HMOX2: variants seen among roughly 807,000 people sequenced by gnomAD.
HMOX2 encodes the protein heme oxygenase (decycling) 2.
A neutral mutation model predicts 33.7 loss-of-function variants in HMOX2; 30 were observed. The observed-to-expected ratio is 0.89, with a 90% confidence interval of 0.67 to 1.21. The LOEUF (loss-of-function observed/expected upper bound fraction) is 1.21, where lower values mean the gene tolerates loss of function less well. Among genes scored for constraint, HMOX2 ranks in the 50% most tolerant of loss-of-function variants. HMOX2 has a pLI of 0.00. For synonymous variants in HMOX2, 155 were observed against 155.0 expected (o/e 1.00, Z 0.00); for missense variants, 403 against 399.1 (o/e 1.01, Z -0.08).
At chr16:4,476,829 A>G (rs926186041) in intron 1 of HMOX2, among the ~76,000 whole-genome samples, 8 of 152,144 alleles carry the variant, frequency 5.3e-5, no homozygotes, top group Non-Finnish European at 8.8e-5. Flanking sequence ...CGTCACGGCT[A>G]TGCTGGGCGA....
rs1026230145 is a variant in HMOX2, at chr16:4,480,026, G to T, written c.-42+3539G>T. 1.4e-5 allele frequency among the ~76,000 whole-genome samples: 2 copies of T among 147,810 alleles called. 1 individual carries two copies. Among genetic ancestry groups the T allele is most frequent in the African/African-American group, 5.0e-5 (2 of 39,840 alleles). Reference sequence around the variant, plus strand: ...AGTGCTGGGGTTATAGGCATGAGTCGCTGCGCCCGGCTTTTTTATTTTTTA... The same window carrying T: ...AGTGCTGGGGTTATAGGCATGAGTCTCTGCGCCCGGCTTTTTTATTTTTTA... On this transcript the variant is annotated intron_variant, in intron 1 of 5. Coordinates refer to ENST00000570646, the MANE Select transcript of HMOX2 (RefSeq NM_002134.4).
chr16:4,505,532 C>A lies in HMOX2; in HGVS notation c.8C>A (p.Ala3Glu). Reference sequence around the variant, plus strand: ...GAACCACACCCAGCAGCAATGTCAGCGGAAGTGGAAACCTCAGAGGGGGTA... The same window carrying A: ...GAACCACACCCAGCAGCAATGTCAGAGGAAGTGGAAACCTCAGAGGGGGTA... MS[A>E]EVETSEGVDE... Residue 3 changes from alanine to glutamate, a missense_variant, in exon 2 of 6, where the codon GCG becomes GAG. Ala to Glu is a moderately radical substitution (Grantham distance 107, BLOSUM62 -1). Coordinates refer to ENST00000570646, the MANE Select transcript of HMOX2 (RefSeq NM_002134.4). 6.2e-7 allele frequency: 1 copy of A among 1,605,048 alleles called. No homozygotes were observed. The highest frequency in any genetic ancestry group is 8.5e-7 in the Non-Finnish European group (1 of 1,175,082).
Position 4,505,654 on chromosome 16 carries a change from A to C in HMOX2, c.86+44A>C, listed in dbSNP as rs777557547. On this transcript the variant is annotated intron_variant, in intron 2 of 5. Transcript: ENST00000570646. ...CTGCACTGAATCAGGTGGGCCCAGC[A>C]CCTGTCGTGCTCAGCACACCTGGTT... is the stretch of plus-strand genomic sequence containing the variant. The C allele has an allele frequency of 2.2e-5, 30 of 1,370,404 alleles. No homozygotes were observed. In the Admixed American group the frequency reaches 5.9e-4, roughly 27 times the overall value. 84.9% of individuals were successfully genotyped at this position (1,370,404 alleles called of 1,614,324 possible). A position where few individuals can be genotyped will look rare whatever the true frequency, so the allele number is the denominator to read the frequency against.
chr16:4,509,810 C>T lies in HMOX2; in HGVS notation c.*54C>T. 6.4e-7 allele frequency: 1 copy of T among 1,567,614 alleles called. No homozygotes were observed. Among genetic ancestry groups the T allele is most frequent in the South Asian group, 1.1e-5 (1 of 88,028 alleles). ...CCTCCCGACTGACCACTGGCCTACC[C>T]CTTTCTCCAGCCCTGACTAAACTAC... On this transcript the variant is annotated 3_prime_UTR_variant, in exon 6 of 6. Transcript: ENST00000570646.
intron 1 of HMOX2, among the ~76,000 whole-genome samples, chr16:4,504,247 A>G (rs2141598431): frequency 6.6e-6 from 1 of 151,906 alleles, no homozygotes; most frequent in Non-Finnish European, 1.5e-5. Flanking sequence ...CACAGGTAGG[A>G]TGAACTGGCC....
upstream of HMOX2, chr16:4,475,939 A>G (rs2057813770): frequency 6.6e-6 from 1 of 152,240 alleles, no homozygotes; most frequent in Non-Finnish European, 1.5e-5. Flanking sequence ...CTCGGTCTCA[A>G]AAAAAGAAAA....
chr16:4,502,770 G>A (rs1000051768), intron 1 of HMOX2: 1 of 152,316 alleles, frequency 6.6e-6, no homozygotes, highest in Non-Finnish European at 1.5e-5. Context: ...CCAGGCTGGA[G>A]TGCAGTGGCA....
intron 1 of HMOX2, among the ~76,000 whole-genome samples, chr16:4,501,117 GTC>G (rs1031392336): frequency 1.3e-5 from 2 of 152,100 alleles, no homozygotes; most frequent in African/African-American, 4.8e-5. Context: ...TCCAATTCCT[GTC>G]TCTCGGTTTC....
chr16:4,487,660 C>T (rs564859617), intron 1 of HMOX2, among the ~76,000 whole-genome samples: 12 of 152,070 alleles, frequency 7.9e-5, no homozygotes, highest in East Asian at 5.8e-4. Flanking sequence ...ATTAGCTGGG[C>T]GTGGTGGCTG....
At chr16:4,496,255 C>G (rs567351396) in intron 1 of HMOX2, 104 of 152,920 alleles carry the variant, frequency 6.8e-4, no homozygotes, top group Non-Finnish European at 1.3e-3. Context: ...TCCTGTGTAG[C>G]TGGGATTACA....
At chr16:4,483,595 A>C (rs2058087424) in intron 1 of HMOX2, 1 of 152,138 alleles carries the variant, frequency 6.6e-6, no homozygotes, top group African/African-American at 2.4e-5. Context: ...TGCAGATCAA[A>C]TATATCTATA....
chr16:4,492,966 G>A (rs2058338978), intron 1 of HMOX2, among the ~76,000 whole-genome samples: 1 of 152,142 alleles, frequency 6.6e-6, no homozygotes, highest in African/African-American at 2.4e-5. Flanking sequence ...GAACCCAGGA[G>A]TGGGGAGAAA....
At chr16:4,475,282 G>T (rs147765960), upstream of HMOX2, among the ~76,000 whole-genome samples, 230 of 151,096 alleles carry the variant, frequency 1.5e-3, 4 homozygotes, top group African/African-American at 5.4e-3. Context: ...GCTGCTACTT[G>T]CACTGATTTC....
chr16:4,501,105 G>A lies in HMOX2; in HGVS notation c.-41-4379G>A, dbSNP rs17881433. On this transcript the variant is annotated intron_variant, in intron 1 of 5. Transcript: ENST00000570646. The stretch of plus-strand genomic sequence containing the variant: ...GTGCGGGATCTTAGCTGGTTTGCTT[G>A]GTCCAATTCCTGTCTCTCGGTTTCT... 2.1e-3 allele frequency among the ~76,000 whole-genome samples: 319 copies of A among 152,180 alleles called. 2 individuals carry two copies. The highest frequency in any genetic ancestry group is 4.8e-3 in the South Asian group (23 of 4,820).
At chr16:4,491,497 A>T (rs2058305054) in intron 1 of HMOX2, among the ~76,000 whole-genome samples, 1 of 151,806 alleles carries the variant, frequency 6.6e-6, no homozygotes, top group South Asian at 2.1e-4. Context: ...AAAAAATACC[A>T]AAAAATTAGC....
chr16:4,487,689 CCT>C (rs1365735776), intron 1 of HMOX2, among the ~76,000 whole-genome samples: 1 of 151,708 alleles, frequency 6.6e-6, no homozygotes, highest in Admixed American at 6.6e-5. Flanking sequence ...AGTCCCAGCT[CCT>C]TGGGAGGCTG....
At chr16:4,499,783 A>G (rs1049544394) in intron 1 of HMOX2, among the ~76,000 whole-genome samples, 4 of 152,230 alleles carry the variant, frequency 2.6e-5, no homozygotes, top group African/African-American at 9.6e-5. Context: ...ACTGTACCCC[A>G]TAAATATAAT....
intron 1 of HMOX2, among the ~76,000 whole-genome samples, chr16:4,504,243 T>G (rs1296751186): frequency 6.6e-6 from 1 of 152,080 alleles, no homozygotes; most frequent in African/African-American, 2.4e-5. Flanking sequence ...CTCTCACAGG[T>G]AGGATGAACT....
At chr16:4,477,497 TAAAAA>T (rs35695989) in intron 1 of HMOX2, among the ~76,000 whole-genome samples, 2 of 72,652 alleles carry the variant, frequency 2.8e-5, no homozygotes, top group Non-Finnish European at 5.2e-5. Context: ...AGACTCCATC[TAAAAA>T]AAAAAAAAAA....
Sources: gnomAD v4.1 joint callset for allele counts (sites outside exome capture counted in the v4.1 genomes callset) on GRCh38, gnomAD v4.1.1 for gene constraint, MANE v1.5 for transcripts, NCBI Gene and HGNC (gene_info 2026-07-23, HGNC 2026-07-21) for gene names.